Variants in MTUS2 observed in about 807,000 individuals in gnomAD.
MTUS2 encodes the protein microtubule associated scaffold protein 2, also known as microtubule-associated tumor suppressor candidate 2.
Under a neutral mutation model 114.1 loss-of-function variants are expected in MTUS2, and 40 were observed. The ratio of observed to expected loss-of-function variants is 0.35; its 90% confidence interval spans 0.27 to 0.46. MTUS2 has a LOEUF of 0.46. Ranked by LOEUF, MTUS2 falls within the 20% of genes least tolerant of loss-of-function variation. The pLI, the probability that MTUS2 is intolerant of heterozygous loss-of-function variation, is 1.00. For synonymous variants in MTUS2, 688 were observed against 672.0 expected, an observed-to-expected ratio of 1.02 and a Z score of -0.37; for missense variants, 1,679 against 1,705.4, an observed-to-expected ratio of 0.98 and a Z score of 0.27.
chr13:29,019,374 T>C (rs1004768748), intron 2 of MTUS2, among the ~76,000 whole-genome samples: 74 of 152,206 alleles, frequency 4.9e-4, no homozygotes, highest in Non-Finnish European at 7.9e-4. Flanking sequence ...CAGTGAGTGA[T>C]TTATCAGTGG....
intron 2 of MTUS2, among the ~76,000 whole-genome samples, chr13:28,911,845 G>GTTT (rs202187530): frequency 4.8e-5 from 5 of 103,826 alleles, no homozygotes; most frequent in African/African-American, 1.5e-4. Context: ...ACTTTTTAAT[G>GTTT]TTTTTTTTTT....
At chr13:29,492,032 A>G (rs200458164) in intron 11 of MTUS2, among the ~76,000 whole-genome samples, 31 of 28,360 alleles carry the variant, frequency 1.1e-3, no homozygotes, top group South Asian at 3.3e-3. Flanking sequence ...GTGTGTGTGT[A>G]GTGTGTGTGT....
At chr13:29,249,543 C>T (rs1378948401) in intron 5 of MTUS2, among the ~76,000 whole-genome samples, 1 of 152,148 alleles carries the variant, frequency 6.6e-6, no homozygotes, top group African/African-American at 2.4e-5. Context: ...TTTTGATTTG[C>T]ATTTCTGTAA....
intron 2 of MTUS2, among the ~76,000 whole-genome samples, chr13:28,919,393 G>A (rs1880921201): frequency 6.6e-6 from 1 of 151,916 alleles, no homozygotes; most frequent in Non-Finnish European, 1.5e-5. Context: ...AATATGTTAT[G>A]CCACTCTCTC....
intron 2 of MTUS2, among the ~76,000 whole-genome samples, chr13:28,997,441 T>A (rs1436524221): frequency 6.6e-6 from 1 of 152,214 alleles, no homozygotes; most frequent in African/African-American, 2.4e-5. Context: ...TTCCTGGATA[T>A]CCTTGTTAAC....
intron 9 of MTUS2, among the ~76,000 whole-genome samples, chr13:29,444,750 C>T (rs1462304633): frequency 2.0e-5 from 3 of 152,136 alleles, no homozygotes; most frequent in African/African-American, 7.2e-5. Context: ...CAAGGCAGGC[C>T]AAGGGAGAGT....
At chr13:29,015,526 GCTT>G (rs1338183052) in intron 2 of MTUS2, among the ~76,000 whole-genome samples, 14 of 152,326 alleles carry the variant, frequency 9.2e-5, no homozygotes, top group African/African-American at 3.4e-4. Flanking sequence ...CCATGCTGGA[GCTT>G]AAGAGTTCTG....
chr13:29,014,483 G>C (rs927775440), intron 2 of MTUS2, among the ~76,000 whole-genome samples: 2 of 152,230 alleles, frequency 1.3e-5, no homozygotes, highest in African/African-American at 4.8e-5. Flanking sequence ...GGGATCTGTG[G>C]TGAGCAGGAC....
At chr13:29,293,317 A>T (rs916662189) in intron 6 of MTUS2, among the ~76,000 whole-genome samples, 2 of 152,170 alleles carry the variant, frequency 1.3e-5, no homozygotes, top group African/African-American at 4.8e-5. Flanking sequence ...TAGAAGTACA[A>T]AGTGGTCAAT....
At chr13:29,230,261 AAAAAT>A (rs1217530157) in intron 5 of MTUS2, among the ~76,000 whole-genome samples, 1 of 152,224 alleles carries the variant, frequency 6.6e-6, no homozygotes, top group Non-Finnish European at 1.5e-5. Context: ...ATAAAAATAC[AAAAAT>A]AAAATAAAAA....
At chr13:28,851,462 A>C (rs1387478305) in intron 2 of MTUS2, among the ~76,000 whole-genome samples, 1 of 152,244 alleles carries the variant, frequency 6.6e-6, no homozygotes, top group Non-Finnish European at 1.5e-5. Context: ...GCAAATAATT[A>C]AGAAAACATG....
Position 29,480,075 on chromosome 13 carries a change from T to C in MTUS2, c.3185-75T>C. On this transcript the variant is annotated intron_variant, in intron 9 of 15. Transcript: ENST00000612955. This position sits in a 1 kb window ranked among gnomAD's most constrained non-coding sequence, Gnocchi z 4.4. ...GTTTATTACGCCAGCCTTGATGATCTGACCATGGAGGCTGAGTCCTTCCCA... is the reference window on the plus strand; with the variant it reads ...GTTTATTACGCCAGCCTTGATGATCCGACCATGGAGGCTGAGTCCTTCCCA... The C allele has an allele frequency of 7.0e-7, 1 of 1,437,010 alleles. No homozygotes were observed. Among genetic ancestry groups the C allele is most frequent in the Non-Finnish European group, 9.5e-7 (1 of 1,052,106 alleles). The allele number at this position is 1,437,010 out of a possible 1,614,324, so 89.0% of individuals were successfully genotyped here. A position where few individuals can be genotyped will look rare whatever the true frequency, so the allele number is the denominator to read the frequency against.
intron 1 of MTUS2, among the ~76,000 whole-genome samples, chr13:28,835,601 G>A (rs377438359): frequency 7.9e-4 from 121 of 152,298 alleles, no homozygotes; most frequent in African/African-American, 2.7e-3. Context: ...CCTTGCGAAT[G>A]TGATAAAAAC....
At chr13:29,259,823 CT>C (rs1250992150) in intron 5 of MTUS2, among the ~76,000 whole-genome samples, 1 of 152,180 alleles carries the variant, frequency 6.6e-6, no homozygotes, top group East Asian at 1.9e-4. Flanking sequence ...GGAGCCTAAC[CT>C]TTCTTTAGTG....
intron 1 of MTUS2, among the ~76,000 whole-genome samples, chr13:28,838,765 G>A (rs1344961302): frequency 2.0e-5 from 3 of 151,952 alleles, no homozygotes; most frequent in African/African-American, 7.3e-5. Flanking sequence ...AGCCGAGGGG[G>A]TTGGAAGTAA....
At chr13:28,831,680 A>G (rs1330197434) in intron 1 of MTUS2, among the ~76,000 whole-genome samples, 1 of 152,196 alleles carries the variant, frequency 6.6e-6, no homozygotes, top group East Asian at 1.9e-4. Flanking sequence ...AGAAAATTCA[A>G]CAATAGTATT....
intron 2 of MTUS2, among the ~76,000 whole-genome samples, chr13:28,965,149 T>A (rs1267108087): frequency 6.6e-6 from 1 of 152,238 alleles, no homozygotes; most frequent in African/African-American, 2.4e-5. Flanking sequence ...CTTCTAGCTC[T>A]TCCTGCCAGT....
intron 5 of MTUS2, among the ~76,000 whole-genome samples, chr13:29,277,057 C>T (rs1414920391): frequency 2.0e-5 from 3 of 152,158 alleles, no homozygotes; most frequent in African/African-American, 7.2e-5. Flanking sequence ...TCTCTATGGT[C>T]TCTTACATTT....
chr13:29,395,022 A>G (rs946702101), intron 8 of MTUS2, among the ~76,000 whole-genome samples: 1 of 152,236 alleles, frequency 6.6e-6, no homozygotes, highest in Non-Finnish European at 1.5e-5. Context: ...GGTTGTTCCC[A>G]CAAGAGACAG....
Sources: gnomAD v4.1 joint callset for allele counts (sites outside exome capture counted in the v4.1 genomes callset) on GRCh38, gnomAD v4.1.1 for gene constraint, Gnocchi (gnomAD v3.1) non-coding constraint, MANE v1.5 for transcripts, NCBI Gene and HGNC (gene_info 2026-07-23, HGNC 2026-07-21) for gene names.